Variants in XKR9 observed in about 807,000 individuals in gnomAD.
XKR9 encodes the protein XK related 9, also known as XK-related protein 9.
In XKR9, 32 loss-of-function variants were observed where a neutral mutation model predicts 32.0. The ratio of observed to expected loss-of-function variants is 1.00; its 90% CI spans 0.76 to 1.34. XKR9 has a LOEUF of 1.34. XKR9 is among the 40% of genes most tolerant of loss of function. The probability of loss-of-function intolerance (pLI) is 0.00; values close to 1 mark genes in which losing one functional copy is unlikely to be tolerated. For missense variants in XKR9, 546 were observed against 429.7 expected (o/e 1.27, Z -2.39); for synonymous variants, 168 against 143.4 (o/e 1.17, Z -1.22).
chr8:71,001,386 G>A, the XKR9 span, among the ~76,000 whole-genome samples: 7 of 152,054 alleles, frequency 4.6e-5, no homozygotes, highest in East Asian at 9.7e-4. Context: ...CTCAGCCTCC[G>A]GAATAGCTGG....
chr8:70,694,697 A>T (rs902651514), intron 3 of XKR9, among the ~76,000 whole-genome samples: 7 of 152,176 alleles, frequency 4.6e-5, no homozygotes, highest in African/African-American at 1.2e-4. Context: ...CAATGCCGCT[A>T]TTGGTAGCTG....
chr8:70,862,380 T>C, the XKR9 span, among the ~76,000 whole-genome samples: 1 of 151,970 alleles, frequency 6.6e-6, no homozygotes, highest in Non-Finnish European at 1.5e-5. Flanking sequence ...CATTTTAGAC[T>C]CCATGGCACT....
the XKR9 span, among the ~76,000 whole-genome samples, chr8:70,834,901 A>C: frequency 1.3e-5 from 2 of 152,022 alleles, no homozygotes; most frequent in Non-Finnish European, 2.9e-5. Context: ...CTAACATTGC[A>C]CTCTGGATTG....
the XKR9 span, among the ~76,000 whole-genome samples, chr8:70,908,281 T>C: frequency 6.6e-6 from 1 of 152,228 alleles, no homozygotes; most frequent in Admixed American, 6.5e-5. Flanking sequence ...TTATATTTTA[T>C]AATTACAACT....
chr8:71,018,546 A>G, the XKR9 span, among the ~76,000 whole-genome samples: 1 of 152,248 alleles, frequency 6.6e-6, no homozygotes, highest in Admixed American at 6.5e-5. Flanking sequence ...TTAACACATT[A>G]TCCGAGTAGT....
chr8:70,934,774 A>G, the XKR9 span, among the ~76,000 whole-genome samples: 1 of 151,972 alleles, frequency 6.6e-6, no homozygotes, highest in Non-Finnish European at 1.5e-5. Context: ...TGGCAAAGGC[A>G]GAGTCCAACT....
intron 3 of XKR9, among the ~76,000 whole-genome samples, chr8:70,701,288 TG>T (rs1805525420): frequency 6.6e-6 from 1 of 152,220 alleles, no homozygotes; most frequent in East Asian, 1.9e-4. Context: ...TCACTCACGC[TG>T]GGAGCTGTAG....
chr8:70,670,273 T>C (rs1190585857), intron 1 of XKR9, among the ~76,000 whole-genome samples: 1 of 152,040 alleles, frequency 6.6e-6, no homozygotes, highest in Non-Finnish European at 1.5e-5. Flanking sequence ...GCTGGTCTTG[T>C]GGAGCCGTTT....
In XKR9 at chr8:70,743,023, T is replaced by A. The variant is rs138820848; in HGVS notation, n.352+35870T>A. Among the ~76,000 whole-genome samples the A allele has an allele frequency of 3.8e-3, 579 of 152,250 alleles. 5 individuals carry two copies. Among genetic ancestry groups the A allele is most frequent in the African/African-American group, 0.013 (548 of 41,582 alleles). On this transcript the variant is annotated intron_variant and non_coding_transcript_variant, in intron 2 of 3. Transcript: ENST00000520273. ...CTCATGGTTTTTCTTCTTCTTTATCTTCTTGGAGTCCACTTCCAAATGTGT... is the reference window on the plus strand; with the variant it reads ...CTCATGGTTTTTCTTCTTCTTTATCATCTTGGAGTCCACTTCCAAATGTGT...
At chr8:70,873,506 G>C in the XKR9 span, among the ~76,000 whole-genome samples, 7 of 152,140 alleles carry the variant, frequency 4.6e-5, no homozygotes, top group African/African-American at 1.7e-4. Context: ...CAACCCTCAT[G>C]GTTGACTTTC....
In XKR9 at chr8:70,706,916, T is replaced by A. The variant is rs1254486600; in HGVS notation, c.273-17T>A. The A allele has an allele frequency of 6.3e-7, 1 of 1,576,386 alleles. No individual in the cohort carries two copies. The highest frequency in any genetic ancestry group is 1.1e-5 in the South Asian group (1 of 88,394). On this transcript the variant is annotated splice_polypyrimidine_tract_variant and intron_variant, in intron 3 of 4. Coordinates refer to ENST00000408926, the MANE Select transcript of XKR9 (RefSeq NM_001011720.2). ...AGAATATAAAACTAAAGAGAAATGTTTATGTTTACTTTATAGGTATTGGTT... is the reference window on the plus strand; with the variant it reads ...AGAATATAAAACTAAAGAGAAATGTATATGTTTACTTTATAGGTATTGGTT...
the XKR9 span, among the ~76,000 whole-genome samples, chr8:70,849,348 C>A: frequency 2.0e-5 from 3 of 152,160 alleles, no homozygotes; most frequent in Admixed American, 2.0e-4. Context: ...AACTGAACAA[C>A]CTGCTCCAGA....
At chr8:70,878,534 A>G in the XKR9 span, among the ~76,000 whole-genome samples, 1 of 152,198 alleles carries the variant, frequency 6.6e-6, no homozygotes, top group Non-Finnish European at 1.5e-5. Context: ...ACTTTAAACC[A>G]ACAAAGATCA....
the XKR9 span, among the ~76,000 whole-genome samples, chr8:70,938,106 G>C: frequency 2.6e-5 from 4 of 151,940 alleles, no homozygotes; most frequent in Non-Finnish European, 5.9e-5. Context: ...TCAGTTTAGA[G>C]GAAATTATTT....
chr8:70,990,270 T>C, the XKR9 span, among the ~76,000 whole-genome samples: 1 of 152,196 alleles, frequency 6.6e-6, no homozygotes, highest in African/African-American at 2.4e-5. Flanking sequence ...CTCTCCTTTA[T>C]AAATATCTTC....
chr8:70,855,237 T>A, the XKR9 span, among the ~76,000 whole-genome samples: 1 of 151,738 alleles, frequency 6.6e-6, no homozygotes, highest in Non-Finnish European at 1.5e-5. Flanking sequence ...CAAAAAAAAA[T>A]TAGACGAATG....
At chr8:70,821,874 G>A in the XKR9 span, among the ~76,000 whole-genome samples, 2 of 152,178 alleles carry the variant, frequency 1.3e-5, no homozygotes, top group African/African-American at 4.8e-5. Flanking sequence ...TGCCGTGAAG[G>A]TCTCTGATGT....
chr8:70,962,773 A>G, the XKR9 span, among the ~76,000 whole-genome samples: 20 of 152,190 alleles, frequency 1.3e-4, no homozygotes, highest in Non-Finnish European at 2.5e-4. Flanking sequence ...AGCATTTGAA[A>G]TGAAGGATGT....
intron 3 of XKR9, among the ~76,000 whole-genome samples, chr8:70,704,026 C>A (rs1805633032): frequency 6.6e-6 from 1 of 151,746 alleles, no homozygotes; most frequent in African/African-American, 2.4e-5. Flanking sequence ...ACTAAAAATA[C>A]AAAAAATTAG....
Sources: gnomAD v4.1 joint callset for allele counts (sites outside exome capture counted in the v4.1 genomes callset) on GRCh38, gnomAD v4.1.1 for gene constraint, MANE v1.5 for transcripts, NCBI Gene and HGNC (gene_info 2026-07-23, HGNC 2026-07-21) for gene names.